Variants in MYO5B observed in about 807,000 individuals in gnomAD.
The protein encoded by MYO5B is myosin VB.
In MYO5B, 143 loss-of-function variants were observed where a neutral mutation model predicts 229.3. That is an observed-to-expected ratio of 0.62 (90% CI 0.54 to 0.72). The LOEUF (loss-of-function observed/expected upper bound fraction) is 0.72. Ranked by LOEUF, MYO5B falls within the 30% of genes least tolerant of loss-of-function variation. The pLI is 0.00. For missense variants in MYO5B, 2,321 were observed against 2,331.0 expected, an observed-to-expected ratio of 1.00 and a Z score of 0.09; for synonymous variants, 918 against 885.2, an observed-to-expected ratio of 1.04 and a Z score of -0.66.
chr18:50,135,990 T>C (rs78103467), intron 1 of MYO5B, among the ~76,000 whole-genome samples: 2,781 of 152,326 alleles, frequency 0.018, 50 homozygotes, highest in Middle Eastern at 0.024. Flanking sequence ...ATTTGACAGG[T>C]GAGGAATCAA....
chr18:50,110,969 C>G (rs2031854771), intron 1 of MYO5B, among the ~76,000 whole-genome samples: 1 of 152,152 alleles, frequency 6.6e-6, no homozygotes, highest in Admixed American at 6.5e-5. Flanking sequence ...GCAGATAAAA[C>G]TACTTTAAAA....
chr18:49,937,342 G>A lies in MYO5B; in HGVS notation c.1808C>T (p.Thr603Ile). Residue 603 changes from threonine to isoleucine, a missense_variant, in exon 15 of 40, where the codon ACC becomes ATC. Around this residue, in one of 2 missense-constraint regions of MYO5B, gnomAD observed 2,113 missense variants for 2,044.7 expected, o/e 1.03. Coordinates refer to ENST00000285039, the MANE Select transcript of MYO5B (RefSeq NM_001080467.3). ...CTTCGAAGATGACCCCTTCCCAGGG[G>A]TGGTGGCAGGAACAGGGTCCTTGTC... is the stretch of plus-strand genomic sequence containing the variant. ...HDDKDPVPAT[T>I]PGKGSSSKIS... 1 of 1,614,162 alleles carries A rather than the reference G, an allele frequency of 6.2e-7. No homozygotes were observed. Among genetic ancestry groups the A allele is most frequent in the Non-Finnish European group, 8.5e-7 (1 of 1,179,986 alleles).
chr18:50,131,894 A>G (rs2032259194), intron 1 of MYO5B, among the ~76,000 whole-genome samples: 1 of 152,228 alleles, frequency 6.6e-6, no homozygotes, highest in African/African-American at 2.4e-5. Context: ...CAGGCTGAAT[A>G]CCAAACCAAT....
At chr18:50,121,708 A>G (rs961827248) in intron 1 of MYO5B, among the ~76,000 whole-genome samples, 7 of 152,198 alleles carry the variant, frequency 4.6e-5, no homozygotes, top group African/African-American at 7.2e-5. Context: ...CAGGGACAAG[A>G]AAAAGACCCT....
At chr18:49,913,188 G>A (rs1038515892) in intron 17 of MYO5B, among the ~76,000 whole-genome samples, 1 of 152,084 alleles carries the variant, frequency 6.6e-6, no homozygotes, top group Non-Finnish European at 1.5e-5. Flanking sequence ...GTGTGGGAGG[G>A]GAATCTTTAA....
At chr18:49,984,670 G>T in intron 8 of MYO5B, 48 bp downstream of exon 8, 1 of 1,415,450 alleles carries the variant, frequency 7.1e-7, no homozygotes, top group South Asian at 1.1e-5. Flanking sequence ...TCTACCCTCC[G>T]TGCCATCAGC....
intron 1 of MYO5B, among the ~76,000 whole-genome samples, chr18:50,094,807 T>C (rs1029443852): frequency 2.6e-5 from 4 of 151,994 alleles, no homozygotes; most frequent in African/African-American, 9.7e-5. Context: ...ATCTATTGCC[T>C]ATGGACTTGC....
rs552033732 is a variant in MYO5B at position 50,076,122 on chromosome 18, G to A, written c.28-20744C>T. 1.8e-4 allele frequency among the ~76,000 whole-genome samples: 27 copies of A among 152,320 alleles called. No individual in the cohort carries two copies. In the South Asian group the frequency reaches 5.6e-3, roughly 32 times the overall value. ...GGAGGTCAACAAGAAAGAAGGGTTGGCAAGATATTTCCTTTTTCTTCTTTT... is the reference window on the plus strand; with the variant it reads ...GGAGGTCAACAAGAAAGAAGGGTTGACAAGATATTTCCTTTTTCTTCTTTT... On this transcript the variant is annotated intron_variant, in intron 1 of 39. Transcript: ENST00000285039.
chr18:49,826,154 G>C lies in MYO5B; in HGVS notation c.*317C>G. ...TAGTTCTATGCAAAGATCAAAACTAGGCAGCTTCGTTTTATAGAATTGACA... is the reference window on the plus strand; with the variant it reads ...TAGTTCTATGCAAAGATCAAAACTACGCAGCTTCGTTTTATAGAATTGACA... On this transcript the variant is annotated 3_prime_UTR_variant, in exon 40 of 40. Coordinates refer to ENST00000285039, the MANE Select transcript of MYO5B (RefSeq NM_001080467.3). The C allele has an allele frequency of 2.8e-6, 1 of 359,454 alleles. No homozygotes were observed. Among genetic ancestry groups the C allele is most frequent in the East Asian group, 6.5e-5 (1 of 15,392 alleles). The allele number at this position is 359,454 out of a possible 1,614,324, so 22.3% of individuals were successfully genotyped here. A position where few individuals can be genotyped will look rare whatever the true frequency, so the allele number is the denominator to read the frequency against.
rs10611314 is a variant in MYO5B, at chr18:49,881,800, CAAA to C, written c.3046-1348_3046-1346del. Among the ~76,000 whole-genome samples, 947 of 140,338 alleles carry C rather than the reference CAAA, an allele frequency of 6.7e-3. 7 individuals carry two copies. The highest frequency in any genetic ancestry group is 0.017 in the African/African-American group (655 of 38,072). 92.1% of individuals were successfully genotyped at this position (140,338 alleles called of 152,430 possible). A position where few individuals can be genotyped will look rare whatever the true frequency, so the allele number is the denominator to read the frequency against. ...CCTGGGAGACAGTGAGACTCCGTCT[CAAA>C]AAAAAAAAAAAAAAAGTGCGAAGAA... On this transcript the variant is annotated intron_variant, in intron 22 of 39. Transcript: ENST00000285039.
chr18:49,918,974 A>G (rs1320094556), intron 17 of MYO5B, among the ~76,000 whole-genome samples: 3 of 152,198 alleles, frequency 2.0e-5, no homozygotes, highest in African/African-American at 7.2e-5. Context: ...ACCTGTGGAC[A>G]TGCGGTATGG....
intron 14 of MYO5B, among the ~76,000 whole-genome samples, chr18:49,947,697 G>A (rs540472695): frequency 6.6e-6 from 1 of 152,046 alleles, no homozygotes; most frequent in African/African-American, 2.4e-5. Flanking sequence ...TGTCCCCTTC[G>A]AACTCAAACA....
At chr18:50,035,224 A>G (rs1279999745) in intron 4 of MYO5B, among the ~76,000 whole-genome samples, 1 of 152,138 alleles carries the variant, frequency 6.6e-6, no homozygotes. Context: ...GGAGTCCACA[A>G]GCAGCTTTGA....
chr18:49,947,734 A>G (rs1253269384), intron 14 of MYO5B, among the ~76,000 whole-genome samples: 1 of 152,164 alleles, frequency 6.6e-6, no homozygotes, highest in Non-Finnish European at 1.5e-5. Context: ...CAGACAAACC[A>G]ATATTTTCCT....
At chr18:50,077,190 A>AC (rs1279214624) in intron 1 of MYO5B, among the ~76,000 whole-genome samples, 12 of 150,462 alleles carry the variant, frequency 8.0e-5, no homozygotes, top group Admixed American at 2.6e-4. Flanking sequence ...AAAAAAAAAA[A>AC]AAAGACAACT....
At chr18:49,999,801 T>A (rs1305621477) in intron 5 of MYO5B, among the ~76,000 whole-genome samples, 1 of 152,198 alleles carries the variant, frequency 6.6e-6, no homozygotes, top group African/African-American at 2.4e-5. Flanking sequence ...CCAGACCCCT[T>A]CTGAATGAGA....
chr18:50,161,307 T>G (rs1599068158), intron 1 of MYO5B, among the ~76,000 whole-genome samples: 1 of 152,008 alleles, frequency 6.6e-6, no homozygotes, highest in African/African-American at 2.4e-5. Flanking sequence ...TCACTTGAAC[T>G]TGGGAGGTGG....
intron 5 of MYO5B, among the ~76,000 whole-genome samples, chr18:50,000,127 T>A (rs769308965): frequency 1.0e-3 from 156 of 152,150 alleles, no homozygotes; most frequent in Non-Finnish European, 2.0e-3. Context: ...AAGACTCAAT[T>A]TATGCCTGCA....
intron 1 of MYO5B, among the ~76,000 whole-genome samples, chr18:50,145,607 T>A (rs1013780763): frequency 7.3e-5 from 11 of 150,996 alleles, no homozygotes; most frequent in African/African-American, 2.5e-4. Flanking sequence ...ACTTTAAACA[T>A]GTATTTCATT....
Sources: allele counts gnomAD v4.1 joint callset (sites outside exome capture counted in the v4.1 genomes callset), GRCh38; gene constraint gnomAD v4.1.1; regional missense constraint gnomAD v4.1.1; transcripts MANE v1.5; gene names NCBI Gene and HGNC (gene_info 2026-07-23, HGNC 2026-07-21).